ARSB: variants seen among roughly 807,000 people sequenced by gnomAD.
ARSB encodes the protein arylsulfatase B.
ARSB carries 41 observed loss-of-function variants against 50.9 expected under a neutral mutation model. That is an observed-to-expected ratio of 0.81 (90% confidence interval 0.63 to 1.04). The LOEUF (loss-of-function observed/expected upper bound fraction) is 1.04, where lower values mean the gene tolerates loss of function less well. ARSB is among the 50% of genes least tolerant of loss of function. The pLI is 0.00. For synonymous variants in ARSB, 269 were observed against 284.8 expected, an observed-to-expected ratio of 0.94 and a Z score of 0.56; for missense variants, 672 against 693.3, an observed-to-expected ratio of 0.97 and a Z score of 0.35.
At chr5:78,941,241 T>C (rs337838) in intron 4 of ARSB, among the ~76,000 whole-genome samples, 81,214 of 144,516 alleles carry the variant, frequency 0.56, 22,029 homozygotes, top group East Asian at 0.67. Flanking sequence ...CAGGGACAAT[T>C]TGACTTCCTC....
intron 4 of ARSB, among the ~76,000 whole-genome samples, chr5:78,945,659 G>A (rs1211773292): frequency 2.0e-5 from 3 of 152,092 alleles, no homozygotes; most frequent in East Asian, 1.9e-4. Flanking sequence ...ATGTGCACAG[G>A]CCCCTTCTGA....
At chr5:78,872,608 T>C (rs36197411) in intron 5 of ARSB, among the ~76,000 whole-genome samples, 29,324 of 136,676 alleles carry the variant, frequency 0.21, 3,657 homozygotes, top group Admixed American at 0.29. Flanking sequence ...TAGGTGGGAA[T>C]TGAACAATGA....
At position 78,778,104 on chromosome 5, in the gene ARSB, AG is replaced by A. The variant is rs1748821623; in HGVS notation, c.*2292del. The A allele has an allele frequency of 6.6e-6, 1 of 152,194 alleles. No individual in the cohort carries two copies. Among genetic ancestry groups the A allele is most frequent in the South Asian group, 2.1e-4 (1 of 4,832 alleles). 9.4% of individuals were successfully genotyped at this position (152,194 alleles called of 1,614,324 possible). A position where few individuals can be genotyped will look rare whatever the true frequency, so the allele number is the denominator to read the frequency against. On this transcript the variant is annotated 3_prime_UTR_variant, in exon 8 of 8. Coordinates refer to ENST00000264914, the MANE Select transcript of ARSB (RefSeq NM_000046.5). ...AACTGGAGACAGCTGTTGGGAGGAC[AG>A]CAGCGATAACAGATAGGTGCCCTGT...
rs184843338 is a variant in ARSB, at chr5:78,969,944, G to A, written c.313-752C>T. 1.1e-4 allele frequency among the ~76,000 whole-genome samples: 16 copies of A among 152,252 alleles called. No individual in the cohort carries two copies. The East Asian group carries it at 1.5e-3, about 15-fold the overall frequency. On this transcript the variant is annotated intron_variant, in intron 1 of 7. Coordinates refer to ENST00000264914, the MANE Select transcript of ARSB (RefSeq NM_000046.5). ...GAGTTATTTAACAGTATAATAAAAC[G>A]ATTATTGCATTTTTTATTCTACTTT...
chr5:78,946,883 A>G (rs149859551), intron 4 of ARSB, among the ~76,000 whole-genome samples: 15 of 152,328 alleles, frequency 9.8e-5, no homozygotes, highest in African/African-American at 3.6e-4. Flanking sequence ...AAATTATACT[A>G]TAGAGTTATA....
At chr5:78,919,042 A>G (rs1392931288) in intron 4 of ARSB, among the ~76,000 whole-genome samples, 2 of 152,192 alleles carry the variant, frequency 1.3e-5, no homozygotes, top group Admixed American at 6.5e-5. Context: ...TTTCCTATTG[A>G]TTGGCTACAA....
chr5:78,833,991 G>A (rs1343110923), intron 6 of ARSB, among the ~76,000 whole-genome samples: 1 of 152,154 alleles, frequency 6.6e-6, no homozygotes, highest in Non-Finnish European at 1.5e-5. Context: ...GAGTATAAGT[G>A]GCCATCTGGA....
intron 5 of ARSB, among the ~76,000 whole-genome samples, chr5:78,867,317 C>T (rs1188971217): frequency 6.6e-6 from 1 of 151,786 alleles, no homozygotes; most frequent in Non-Finnish European, 1.5e-5. Flanking sequence ...GAGCCCACCA[C>T]AGCTCAAGGA....
intron 5 of ARSB, among the ~76,000 whole-genome samples, chr5:78,860,003 T>G (rs1422873161): frequency 6.6e-6 from 1 of 152,228 alleles, no homozygotes; most frequent in Non-Finnish European, 1.5e-5. Flanking sequence ...TAGCATTCCT[T>G]AAACATTTAG....
At chr5:78,972,910 G>T (rs1177178581) in intron 1 of ARSB, among the ~76,000 whole-genome samples, 1 of 152,168 alleles carries the variant, frequency 6.6e-6, no homozygotes, top group African/African-American at 2.4e-5. Context: ...CAGTTCCTGA[G>T]AATTTATTTG....
intron 5 of ARSB, among the ~76,000 whole-genome samples, chr5:78,856,768 C>A (rs1434871212): frequency 6.6e-6 from 1 of 152,210 alleles, no homozygotes; most frequent in East Asian, 1.9e-4. Context: ...GGTAATGCTA[C>A]AAATACTATA....
Position 78,885,643 on chromosome 5 carries a change from G to C in ARSB, c.1083C>G (p.Ala361=), listed in dbSNP as rs765119051. ...SDWLPTLVKL[A]RGHTNGTKPL... ...GCTTTGTGCCATTGGTGTGTCCCCT[G>C]GCCAGCTTCACGAGTGTTGGCAGCC... is the stretch of plus-strand genomic sequence containing the variant. Residue 361 remains alanine (A), a synonymous_variant, in exon 5 of 8, where the codon GCC becomes GCG. Transcript: ENST00000264914. The C allele has an allele frequency of 6.2e-7, 1 of 1,614,076 alleles. No homozygotes were observed. Among genetic ancestry groups the C allele is most frequent in the Non-Finnish European group, 8.5e-7 (1 of 1,180,018 alleles).
At chr5:78,956,014 T>C (rs183216486) in intron 3 of ARSB, among the ~76,000 whole-genome samples, 2 of 152,362 alleles carry the variant, frequency 1.3e-5, no homozygotes, top group Non-Finnish European at 1.5e-5. Flanking sequence ...AGTTACCATA[T>C]GACCCAGCAT....
At chr5:78,888,447 T>G (rs956494781) in intron 4 of ARSB, among the ~76,000 whole-genome samples, 1 of 152,224 alleles carries the variant, frequency 6.6e-6, no homozygotes, top group East Asian at 1.9e-4. Flanking sequence ...TCCCGTGATA[T>G]CAAGAAAGGC....
At chr5:78,878,704 G>A (rs750518286) in intron 5 of ARSB, among the ~76,000 whole-genome samples, 12 of 152,062 alleles carry the variant, frequency 7.9e-5, no homozygotes, top group Non-Finnish European at 1.8e-4. Flanking sequence ...TTCTTGAAAT[G>A]ATATTGATAG....
intron 5 of ARSB, among the ~76,000 whole-genome samples, chr5:78,868,031 C>T (rs1746892498): frequency 7.5e-6 from 1 of 133,112 alleles, no homozygotes; most frequent in South Asian, 2.9e-4. Context: ...GCCTCAGGAG[C>T]CGATGCGATC....
chr5:78,916,470 AAG>A (rs1364700199), intron 4 of ARSB, among the ~76,000 whole-genome samples: 1 of 152,238 alleles, frequency 6.6e-6, no homozygotes, highest in East Asian at 1.9e-4. Flanking sequence ...CACGTAGAAC[AAG>A]AGGTCACTGA....
In ARSB at chr5:78,985,305, T is replaced by C. The variant is rs550252917; in HGVS notation, c.-57A>G. The C allele has an allele frequency of 2.1e-4, 255 of 1,238,382 alleles. 2 individuals are homozygous for C. The African/African-American group carries it at 3.7e-3, about 18-fold the overall frequency. 76.7% of individuals were successfully genotyped at this position (1,238,382 alleles called of 1,614,324 possible). ...CGCCACCAGCCCCTTGTACCGCTGATAGAATGAGGAACTGGGCTGCCGGGG... is the reference window on the plus strand; with the variant it reads ...CGCCACCAGCCCCTTGTACCGCTGACAGAATGAGGAACTGGGCTGCCGGGG... On this transcript the variant is annotated 5_prime_UTR_variant, in exon 1 of 8. Coordinates refer to ENST00000264914, the MANE Select transcript of ARSB (RefSeq NM_000046.5).
At chr5:78,902,989 C>G (rs909337946) in intron 4 of ARSB, among the ~76,000 whole-genome samples, 4 of 152,136 alleles carry the variant, frequency 2.6e-5, no homozygotes, top group African/African-American at 4.8e-5. Flanking sequence ...CTAAATGCAA[C>G]AGCTAAAACC....
Sources: allele counts gnomAD v4.1 joint callset (sites outside exome capture counted in the v4.1 genomes callset), GRCh38; gene constraint gnomAD v4.1.1; transcripts MANE v1.5; gene names NCBI Gene and HGNC (gene_info 2026-07-23, HGNC 2026-07-21).